RGPD2: variants seen among roughly 807,000 people sequenced by gnomAD.
RGPD2 encodes the protein RANBP2-like and GRIP domain-containing protein 2.
Under a neutral mutation model 36.0 loss-of-function variants are expected in RGPD2, and 2 were observed. That is an observed-to-expected ratio of 0.06 (90% CI 0.02 to 0.17). The LOEUF is 0.17. Among genes scored for constraint, RGPD2 ranks in the 10% least tolerant of loss-of-function variants. The probability of loss-of-function intolerance (pLI) is 1.00; values close to 1 mark genes in which losing one functional copy is unlikely to be tolerated. For synonymous variants in RGPD2, 19 were observed against 163.8 expected (o/e 0.12, Z 6.75); for missense variants, 40 against 464.3 (o/e 0.09, Z 8.40).
upstream of RGPD2, chr2:87,825,806 G>A (rs1686787193): frequency 2.0e-6 from 3 of 1,478,652 alleles, no homozygotes; most frequent in Non-Finnish European, 9.1e-7. Flanking sequence ...CAACAGGAAA[G>A]CGCCTGAAAG....
chr2:87,964,418 G>T, the RGPD2 span, among the ~76,000 whole-genome samples: 2 of 151,780 alleles, frequency 1.3e-5, no homozygotes, highest in African/African-American at 4.8e-5. Context: ...ACAACATGAT[G>T]TTTTGCTATC....
chr2:87,867,708 T>C, the RGPD2 span, among the ~76,000 whole-genome samples: 1 of 151,602 alleles, frequency 6.6e-6, no homozygotes, highest in Non-Finnish European at 1.5e-5. Flanking sequence ...TCTTATAATT[T>C]GAGAATTTAA....
the RGPD2 span, among the ~76,000 whole-genome samples, chr2:87,939,260 T>C: frequency 2.0e-5 from 3 of 152,024 alleles, no homozygotes; most frequent in Admixed American, 6.6e-5. Flanking sequence ...AGATATTTTT[T>C]CAATGTGGAC....
chr2:87,940,950 T>C, the RGPD2 span, among the ~76,000 whole-genome samples: 3 of 152,036 alleles, frequency 2.0e-5, no homozygotes, highest in South Asian at 6.2e-4. Context: ...AAGAACAAAG[T>C]ATGGGGACTT....
the RGPD2 span, among the ~76,000 whole-genome samples, chr2:87,922,085 A>G: frequency 6.6e-6 from 1 of 151,694 alleles, no homozygotes; most frequent in Admixed American, 6.6e-5. Flanking sequence ...CAAGGTCAGT[A>G]GTTTGAGACC....
the RGPD2 span, among the ~76,000 whole-genome samples, chr2:87,872,344 A>G: frequency 6.6e-6 from 1 of 152,258 alleles, no homozygotes; most frequent in African/African-American, 2.4e-5. Context: ...GGGGAAAATC[A>G]CACAAAAGAA....
At chr2:87,967,883 C>G in the RGPD2 span, among the ~76,000 whole-genome samples, 3 of 148,398 alleles carry the variant, frequency 2.0e-5, no homozygotes, top group Non-Finnish European at 4.4e-5. Context: ...AAATAATCTT[C>G]TAGGTGTCAT....
chr2:87,884,772 A>G, the RGPD2 span, among the ~76,000 whole-genome samples: 1 of 152,002 alleles, frequency 6.6e-6, no homozygotes, highest in Non-Finnish European at 1.5e-5. Flanking sequence ...CAGACCAATA[A>G]CAAGTAAAGA....
At chr2:87,883,317 A>C in the RGPD2 span, among the ~76,000 whole-genome samples, 2 of 152,060 alleles carry the variant, frequency 1.3e-5, no homozygotes, top group South Asian at 4.1e-4. Flanking sequence ...ATAACAAAAC[A>C]CAAAAGAATA....
the RGPD2 span, among the ~76,000 whole-genome samples, chr2:87,868,967 T>C: frequency 6.6e-6 from 1 of 151,422 alleles, no homozygotes; most frequent in Admixed American, 6.6e-5. Context: ...ACCGTAACTA[T>C]TGTTTGCTAC....
intron 6 of RGPD2, among the ~76,000 whole-genome samples, chr2:87,809,997 CA>C (rs1408673521): frequency 4.7e-3 from 162 of 34,118 alleles, no homozygotes; most frequent in Admixed American, 6.1e-3. Context: ...GACTCTGTCT[CA>C]AAAAAAAAAA....
the RGPD2 span, among the ~76,000 whole-genome samples, chr2:87,924,453 G>C: frequency 6.6e-6 from 1 of 151,536 alleles, no homozygotes. Context: ...CTGTTTTACA[G>C]CCCTAGAGAC....
chr2:87,825,899 C>T (rs377231643), upstream of RGPD2: 68 of 866,496 alleles, frequency 7.8e-5, no homozygotes, highest in East Asian at 6.9e-4. Context: ...CGTCGGCGCT[C>T]GAGCTGCACT....
intron 1 of RGPD2, among the ~76,000 whole-genome samples, chr2:87,824,294 A>G (rs889959758): frequency 2.6e-5 from 4 of 151,866 alleles, no homozygotes; most frequent in Admixed American, 2.6e-4. Flanking sequence ...TAAGAAGGGC[A>G]AAAGCACATG....
chr2:87,894,102 T>G, the RGPD2 span, among the ~76,000 whole-genome samples: 7 of 151,866 alleles, frequency 4.6e-5, no homozygotes, highest in African/African-American at 1.7e-4. Flanking sequence ...AATCAGAGAA[T>G]TCAGCTAACT....
At position 87,763,213 on chromosome 2, in the gene RGPD2, A is replaced by C. The variant is rs1464428421; in HGVS notation, c.5237-5787T>G. ...CGCTCTGAAGCCCAGGCTGGAGTGC[A>C]GTGGCACGATCTCAGCTCACTGCAA... On this transcript the variant is annotated intron_variant, in intron 22 of 22. Coordinates refer to ENST00000398146, the MANE Select transcript of RGPD2 (RefSeq NM_001078170.3). 1.5e-5 allele frequency among the ~76,000 whole-genome samples: 2 copies of C among 135,212 alleles called. 1 individual carries two copies. The highest frequency in any genetic ancestry group is 3.2e-5 in the Non-Finnish European group (2 of 63,178). The allele number at this position is 135,212 out of a possible 152,430, so 88.7% of individuals were successfully genotyped here.
chr2:87,923,192 GT>G, the RGPD2 span, among the ~76,000 whole-genome samples: 1 of 152,030 alleles, frequency 6.6e-6, no homozygotes, highest in Non-Finnish European at 1.5e-5. Flanking sequence ...GAAAAAATGT[GT>G]TTTCTTCAAA....
the RGPD2 span, among the ~76,000 whole-genome samples, chr2:87,911,593 C>A: frequency 6.6e-6 from 1 of 151,790 alleles, no homozygotes; most frequent in Admixed American, 6.6e-5. Context: ...GGATTATGTA[C>A]TATTGATTAG....
the RGPD2 span, among the ~76,000 whole-genome samples, chr2:87,876,230 CT>C: frequency 7.1e-6 from 1 of 141,144 alleles, no homozygotes; most frequent in Non-Finnish European, 1.5e-5. Context: ...TTCAGTTCAG[CT>C]CTGATCTTGG....
Sources: gnomAD v4.1 joint callset for allele counts (sites outside exome capture counted in the v4.1 genomes callset) on GRCh38, gnomAD v4.1.1 for gene constraint, MANE v1.5 for transcripts, NCBI Gene and HGNC (gene_info 2026-07-23, HGNC 2026-07-21) for gene names.